CEACAM3: variants seen among roughly 807,000 people sequenced by gnomAD.
CEACAM3 encodes the protein CEA cell adhesion molecule 3.
CEACAM3 carries 32 observed loss-of-function variants against 30.1 expected under a neutral mutation model. The ratio of observed to expected loss-of-function variants is 1.06; its 90% CI spans 0.80 to 1.43. CEACAM3 has a LOEUF of 1.43. Among genes scored for constraint, CEACAM3 ranks in the 40% most tolerant of loss-of-function variants. The pLI, the probability that CEACAM3 is intolerant of heterozygous loss-of-function variation, is 0.00. For synonymous variants in CEACAM3, 134 were observed against 127.2 expected, an observed-to-expected ratio of 1.05 and a Z score of -0.36; for missense variants, 290 against 316.3, an observed-to-expected ratio of 0.92 and a Z score of 0.63.
chr19:41,799,787 T>C (rs1555825770), intron 2 of CEACAM3, among the ~76,000 whole-genome samples: 1 of 152,186 alleles, frequency 6.6e-6, no homozygotes, highest in African/African-American at 2.4e-5. Context: ...TGAATAATTC[T>C]TAAACTCTTC....
At position 41,797,667 on chromosome 19, in the gene CEACAM3, G is replaced by C; in HGVS notation, c.143G>C (p.Gly48Ala). The C allele has an allele frequency of 6.2e-7, 1 of 1,614,114 alleles. No individual in the cohort carries two copies. The highest frequency in any genetic ancestry group is 8.5e-7 in the Non-Finnish European group (1 of 1,180,024). The change falls in exon 2 of 7, where the codon GGG becomes GCG. Residue 48 changes from glycine to alanine, a missense_variant. Transcript: ENST00000357396. ...TCCATGCCGCTCAGTGTCGCAGAGG[G>C]GAAGGAGGTGCTTCTACTTGTCCAC... ...IESMPLSVAE[G>A]KEVLLLVHNL...
intron 2 of CEACAM3, chr19:41,807,369 C>T (rs1169237279): frequency 5.5e-5 from 89 of 1,604,504 alleles, no homozygotes; most frequent in Non-Finnish European, 7.6e-5. Context: ...TACAGTGACC[C>T]AGTCACGCTG....
chr19:41,811,043 G>A, intron 6 of CEACAM3, 129 bp from the exon 7 acceptor site: 2 of 1,268,284 alleles, frequency 1.6e-6, no homozygotes, highest in Non-Finnish European at 2.3e-6. Context: ...AGGGGCTTGG[G>A]AGCAGGAACC....
rs145677316 is a variant in CEACAM3 at position 41,808,862 on chromosome 19, C to T, written c.474C>T (p.Thr158=). Residue 158 remains threonine (T), a synonymous_variant, in exon 3 of 7, where the codon ACC becomes ACT. Coordinates refer to ENST00000357396, the MANE Select transcript of CEACAM3 (RefSeq NM_001815.5). ...LPVGAVAGIV[T]GVLVGVALVA... ...TGGGGGCCGTCGCCGGCATCGTGAC[C>T]GGGGTCCTGGTCGGAGTGGCGCTGG... is the stretch of plus-strand genomic sequence containing the variant. 6.2e-6 allele frequency: 10 copies of T among 1,611,076 alleles called. No homozygotes were observed. The highest frequency in any genetic ancestry group is 5.3e-5 in the African/African-American group (4 of 74,882).
At chr19:41,804,324 G>A (rs1008718302) in intron 2 of CEACAM3, among the ~76,000 whole-genome samples, 2 of 152,070 alleles carry the variant, frequency 1.3e-5, no homozygotes, top group Admixed American at 1.3e-4. Context: ...TGGGGTCTTC[G>A]GGTGGGGAGA....
chr19:41,799,996 A>G (rs1600515382), intron 2 of CEACAM3, among the ~76,000 whole-genome samples: 1 of 152,174 alleles, frequency 6.6e-6, no homozygotes, highest in Non-Finnish European at 1.5e-5. Context: ...TGTGGGCGGC[A>G]GGTCACCCAG....
At chr19:41,808,430 G>T (rs1555827097) in intron 2 of CEACAM3, among the ~76,000 whole-genome samples, 1 of 152,160 alleles carries the variant, frequency 6.6e-6, no homozygotes, top group African/African-American at 2.4e-5. Flanking sequence ...CCTGAAAACA[G>T]TCAATGAACA....
intron 2 of CEACAM3, among the ~76,000 whole-genome samples, chr19:41,805,282 C>A (rs1180164308): frequency 9.6e-5 from 9 of 94,144 alleles, no homozygotes; most frequent in African/African-American, 2.4e-4. Flanking sequence ...ATTCTTTTTT[C>A]TTCTTTTTTT....
chr19:41,802,195 C>T (rs530297950), intron 2 of CEACAM3, among the ~76,000 whole-genome samples: 105 of 152,274 alleles, frequency 6.9e-4, no homozygotes, highest in African/African-American at 2.5e-3. Flanking sequence ...AAGCTCATGG[C>T]TCATTTCACC....
At chr19:41,797,208 C>T (rs1286538328) in intron 1 of CEACAM3, 1 of 254,578 alleles carries the variant, frequency 3.9e-6, no homozygotes, top group African/African-American at 2.2e-5. Flanking sequence ...AGATAGACAC[C>T]CAAAGAGATC....
At chr19:41,803,431 T>C (rs2073168679) in intron 2 of CEACAM3, among the ~76,000 whole-genome samples, 1 of 139,628 alleles carries the variant, frequency 7.2e-6, no homozygotes, top group East Asian at 2.1e-4. Context: ...TGTGTATGTG[T>C]GTGTGTGTGT....
rs782257014 is a variant in CEACAM3, at chr19:41,797,713, T to C, written c.189T>C (p.Phe63=). 1.9e-6 allele frequency: 3 copies of C among 1,613,940 alleles called. No homozygotes were observed. In the African/African-American group the frequency reaches 4.0e-5, roughly 22 times the overall value. ...TCCACAATCTGCCCCAGCATCTTTT[T>C]GGCTACAGCTGGTACAAAGGGGAAA... is the stretch of plus-strand genomic sequence containing the variant. The part of the protein sequence containing the change: ...LLVHNLPQHL[F]GYSWYKGERV... The change falls in exon 2 of 7, where the codon TTT becomes TTC. Residue 63 remains phenylalanine, a synonymous_variant. Transcript: ENST00000357396.
chr19:41,811,049 G>A (rs1440608760), intron 6 of CEACAM3, 123 bp from the exon 7 acceptor site: 2 of 1,278,718 alleles, frequency 1.6e-6, no homozygotes, highest in Admixed American at 4.0e-5. Context: ...TTGGGAGCAG[G>A]AACCCCCTGA....
rs973091476 is a variant in CEACAM3 at position 41,798,022 on chromosome 19, G to A, written c.424+74G>A. 25 of 1,543,502 alleles carry A rather than the reference G, an allele frequency of 1.6e-5. No homozygotes were observed. In the African/African-American group the frequency reaches 2.6e-4, roughly 16 times the overall value. ...CCACATATGGGATTGTCAGGCCTGG[G>A]CTGTGCCTGTGGCCCTCTCTGCATT... On this transcript the variant is annotated intron_variant, in intron 2 of 6. Coordinates refer to ENST00000357396, the MANE Select transcript of CEACAM3 (RefSeq NM_001815.5).
chr19:41,810,184 C>A, intron 4 of CEACAM3, 139 bp from the exon 5 acceptor site: 1 of 1,287,058 alleles, frequency 7.8e-7, no homozygotes, highest in Non-Finnish European at 1.1e-6. Context: ...TCAGCCCTCA[C>A]CTGTGGGCTC....
Position 41,807,752 on chromosome 19 carries a change from T to C in CEACAM3, c.425-1061T>C, listed in dbSNP as rs1367485126. ...CCCTTCCCTTTGATGATATCATCTA[T>C]GACTTTATTCTCGCTACTCCAGATG... On this transcript the variant is annotated intron_variant, in intron 2 of 6. Coordinates refer to ENST00000357396, the MANE Select transcript of CEACAM3 (RefSeq NM_001815.5). The C allele has an allele frequency of 6.9e-5, 40 of 581,314 alleles. No homozygotes were observed. In the South Asian group the frequency reaches 7.0e-4, roughly 10 times the overall value. The allele number at this position is 581,314 out of a possible 1,614,324, so 36.0% of individuals were successfully genotyped here.
intron 6 of CEACAM3, 42 bp downstream of exon 6, chr19:41,810,939 G>T (rs782586763): frequency 1.2e-5 from 19 of 1,568,496 alleles, no homozygotes; most frequent in Non-Finnish European, 1.6e-5. Context: ...CAGGCCCCAG[G>T]GGACCCAGGA....
chr19:41,797,793 C>T lies in CEACAM3; in HGVS notation c.269C>T (p.Thr90Ile). ...VGYVIGTQQATPGAAYSGRET... is the reference protein window; with the variant it reads ...VGYVIGTQQAIPGAAYSGRET... The stretch of plus-strand genomic sequence containing the variant: ...TATGTAATAGGAACTCAACAAGCTA[C>T]CCCAGGGGCCGCATACAGCGGTCGA... The change falls in exon 2 of 7, where the codon ACC (threonine) becomes ATC (isoleucine). Residue 90 changes from threonine to isoleucine, a missense_variant. Coordinates refer to ENST00000357396, the MANE Select transcript of CEACAM3 (RefSeq NM_001815.5). 2 of 1,612,322 alleles carry T rather than the reference C, an allele frequency of 1.2e-6. No homozygotes were observed. Among genetic ancestry groups the T allele is most frequent in the South Asian group, 1.1e-5 (1 of 91,084 alleles).
rs138089073 is a variant in CEACAM3, at chr19:41,808,538, G to A, written c.425-275G>A. Among the ~76,000 whole-genome samples the A allele has an allele frequency of 1.8e-3, 278 of 152,338 alleles. 2 individuals are homozygous for A. Among genetic ancestry groups the A allele is most frequent in the African/African-American group, 6.3e-3 (263 of 41,578 alleles). On this transcript the variant is annotated intron_variant, in intron 2 of 6. Transcript: ENST00000357396. ...GAAACAGAGGGAAGAGGCATGATGC[G>A]AGAGGAAGGAGGGACTAAAAGGCAC...
Sources: allele counts gnomAD v4.1 joint callset (sites outside exome capture counted in the v4.1 genomes callset), GRCh38; gene constraint gnomAD v4.1.1; transcripts MANE v1.5; gene names NCBI Gene and HGNC (gene_info 2026-07-23, HGNC 2026-07-21).